The following COL24A1 variants were observed in gnomAD, a reference collection of about 807,000 sequenced individuals.
The protein encoded by COL24A1 is collagen alpha-1(XXIV) chain.
A neutral mutation model predicts 253.9 loss-of-function variants in COL24A1; 224 were observed. The observed-to-expected ratio is 0.88, with a 90% CI of 0.79 to 0.99. The LOEUF (loss-of-function observed/expected upper bound fraction) is 0.99, where lower values mean the gene tolerates loss of function less well. Among genes scored for constraint, COL24A1 ranks in the 50% least tolerant of loss-of-function variants. COL24A1 has a pLI of 0.00. For missense variants in COL24A1, 2,131 were observed against 2,068.5 expected, an observed-to-expected ratio of 1.03 and a Z score of -0.59; for synonymous variants, 685 against 673.7, an observed-to-expected ratio of 1.02 and a Z score of -0.26.
rs751090165 is a variant in COL24A1 at position 86,126,126 on chromosome 1, C to T, written c.210G>A (p.Pro70=). The T allele has an allele frequency of 5.3e-5, 85 of 1,611,758 alleles. 1 individual carries two copies. In the Middle Eastern group the frequency reaches 9.9e-4, roughly 19 times the overall value. The part of the protein sequence containing the change: ...PATAVPSAST[P]LPQGVHLTES... ...CTGTTAAATGGACCCCCTGAGGTAACGGTGTAGATGCTGATGGTACAGCAG... is the reference window on the plus strand; with the variant it reads ...CTGTTAAATGGACCCCCTGAGGTAATGGTGTAGATGCTGATGGTACAGCAG... Residue 70 remains proline (P), a synonymous_variant, in exon 3 of 60, where the codon CCG becomes CCA. Coordinates refer to ENST00000370571, the MANE Select transcript of COL24A1 (RefSeq NM_152890.7).
chr1:85,988,817 C>T (rs765409370), intron 19 of COL24A1, among the ~76,000 whole-genome samples: 8 of 152,006 alleles, frequency 5.3e-5, no homozygotes, highest in East Asian at 3.9e-4. Context: ...GATTAGGACA[C>T]GAATGCCTCG....
rs866383374 is a variant in COL24A1, at chr1:85,835,133, A to T, written c.3681+3452T>A. On this transcript the variant is annotated intron_variant, in intron 43 of 59. Transcript: ENST00000370571. The stretch of plus-strand genomic sequence containing the variant: ...AATGACCAGAGACATATATATATAT[A>T]TTTTTTAGATGGAGTCTTGCTCTGT... Among the ~76,000 whole-genome samples the T allele has an allele frequency of 9.2e-5, 14 of 151,948 alleles. No individual in the cohort carries two copies. In the East Asian group the frequency reaches 1.2e-3, roughly 13 times the overall value.
chr1:85,731,189 C>T (rs929320662), intron 59 of COL24A1, among the ~76,000 whole-genome samples: 2 of 152,114 alleles, frequency 1.3e-5, no homozygotes, highest in African/African-American at 2.4e-5. Flanking sequence ...TCTTCCCCCC[C>T]GCCCCATTCT....
At chr1:85,787,094 C>T (rs933642632) in intron 47 of COL24A1, among the ~76,000 whole-genome samples, 2 of 151,710 alleles carry the variant, frequency 1.3e-5, no homozygotes, top group African/African-American at 4.8e-5. Flanking sequence ...ATTAAAATTT[C>T]AGTATGTATT....
In COL24A1 at chr1:86,125,359, T is replaced by C. The variant is rs779743016; in HGVS notation, c.977A>G (p.Asp326Gly). ...GGCCTGAATCCCATGGTTTGTGAGA[T>C]CCACAGCAGAGACATTTCCTGACTG... The part of the protein sequence containing the change: ...SLQSGNVSAV[D>G]LTNHGIQAKE... The change falls in exon 3 of 60, where the codon GAT becomes GGT. Residue 326 changes from aspartate (D) to glycine (G), a missense_variant. Physicochemically the swap from Asp to Gly is moderately conservative, Grantham distance 94 (BLOSUM62 -1). Transcript: ENST00000370571. The C allele has an allele frequency of 6.8e-6, 11 of 1,613,658 alleles. No homozygotes were observed. Among genetic ancestry groups the C allele is most frequent in the Non-Finnish European group, 9.3e-6 (11 of 1,179,796 alleles).
intron 20 of COL24A1, among the ~76,000 whole-genome samples, chr1:85,984,336 G>A (rs995508041): frequency 1.3e-5 from 2 of 151,694 alleles, no homozygotes; most frequent in African/African-American, 2.4e-5. Flanking sequence ...AGAATCTATT[G>A]CTCAATTATC....
At chr1:85,991,897 ATTTAT>A (rs1439446079) in intron 19 of COL24A1, among the ~76,000 whole-genome samples, 1 of 150,856 alleles carries the variant, frequency 6.6e-6, no homozygotes, top group African/African-American at 2.4e-5. Context: ...GTATTTATTT[ATTTAT>A]TTTATTATTT....
chr1:86,078,938 G>A (rs1702439935), intron 7 of COL24A1, among the ~76,000 whole-genome samples: 2 of 151,968 alleles, frequency 1.3e-5, no homozygotes, highest in African/African-American at 4.8e-5. Flanking sequence ...ATTCTTCATA[G>A]AAATAGAAAA....
At chr1:86,119,463 CCTT>C (rs1706492898) in intron 3 of COL24A1, among the ~76,000 whole-genome samples, 1 of 152,124 alleles carries the variant, frequency 6.6e-6, no homozygotes, top group Non-Finnish European at 1.5e-5. Flanking sequence ...GAAGAACATA[CCTT>C]TTTTATGTTC....
intron 50 of COL24A1, among the ~76,000 whole-genome samples, 157 bp downstream of exon 50, chr1:85,783,956 T>C (rs967829634): frequency 1.3e-5 from 2 of 152,222 alleles, no homozygotes; most frequent in African/African-American, 4.8e-5. Context: ...TATAGTTACA[T>C]AATTTTAAAA....
chr1:85,889,419 A>T (rs1682867352), intron 32 of COL24A1, 141 bp downstream of exon 32: 1 of 602,196 alleles, frequency 1.7e-6, no homozygotes, highest in East Asian at 3.1e-5. Context: ...ATTATTTTTC[A>T]TTCTATGTGA....
Position 86,063,716 on chromosome 1 carries a change from T to C in COL24A1, c.1751A>G (p.Gln584Arg). The C allele has an allele frequency of 6.5e-7, 1 of 1,549,442 alleles. No homozygotes were observed. Among genetic ancestry groups the C allele is most frequent in the South Asian group, 1.2e-5 (1 of 80,142 alleles). The change falls in exon 8 of 60, where the codon CAA becomes CGA. Residue 584 changes from glutamine to arginine, a missense_variant and splice_region_variant. Gln to Arg is a conservative substitution (Grantham distance 43). Coordinates refer to ENST00000370571, the MANE Select transcript of COL24A1 (RefSeq NM_152890.7). ...AAGTCTTATAAAGGAAGTACCTACT[T>C]GTTCACCTGGAAGTCCTGGGAGTCC... ...HPGLPGLPGEQGIPGFAGNIG... is the reference protein window; with the variant it reads ...HPGLPGLPGERGIPGFAGNIG...
Position 85,935,540 on chromosome 1 carries a change from G to A in COL24A1, c.2563-24107C>T, listed in dbSNP as rs181819720. Among the ~76,000 whole-genome samples the A allele has an allele frequency of 5.4e-4, 79 of 147,618 alleles. 5 individuals are homozygous for A. Among genetic ancestry groups the A allele is most frequent in the African/African-American group, 1.5e-3 (59 of 40,326 alleles). On this transcript the variant is annotated intron_variant, in intron 24 of 59. Transcript: ENST00000370571. ...AAGTATTTATTTGACAGCATGACTT[G>A]TAGCAAGTTACTTTAGCTCACTGTA...
chr1:85,933,287 G>A (rs187769250), intron 24 of COL24A1, among the ~76,000 whole-genome samples: 25 of 152,100 alleles, frequency 1.6e-4, no homozygotes, highest in African/African-American at 2.2e-4. Flanking sequence ...AGAGTTCATC[G>A]GCAATAGAAA....
intron 24 of COL24A1, among the ~76,000 whole-genome samples, chr1:85,925,232 T>A (rs933723564): frequency 6.6e-6 from 1 of 152,062 alleles, no homozygotes; most frequent in African/African-American, 2.4e-5. Context: ...AATATCATGG[T>A]AATGGCCATA....
chr1:86,140,140 T>C (rs1213427425), intron 2 of COL24A1, among the ~76,000 whole-genome samples: 1 of 152,238 alleles, frequency 6.6e-6, no homozygotes, highest in African/African-American at 2.4e-5. Flanking sequence ...ACATGTGTTA[T>C]TTTATCCACA....
intron 19 of COL24A1, among the ~76,000 whole-genome samples, chr1:85,993,234 T>C (rs1356562158): frequency 3.3e-5 from 5 of 152,140 alleles, no homozygotes; most frequent in Non-Finnish European, 5.9e-5. Context: ...ATGCGCTACA[T>C]ACATTGAGCA....
At chr1:85,943,200 G>C (rs1112327) in intron 24 of COL24A1, among the ~76,000 whole-genome samples, 66,442 of 152,080 alleles carry the variant, frequency 0.44, 15,711 homozygotes, top group East Asian at 0.75. Context: ...ACCAGTACCC[G>C]CTATGTCCTG....
intron 52 of COL24A1, 102 bp downstream of exon 52, chr1:85,781,118 C>T: frequency 1.2e-6 from 1 of 831,350 alleles, no homozygotes. Context: ...CTATTTTTTC[C>T]ATTTTCTTCT....
Sources: gnomAD v4.1 joint callset for allele counts (sites outside exome capture counted in the v4.1 genomes callset) on GRCh38, gnomAD v4.1.1 for gene constraint, MANE v1.5 for transcripts, NCBI Gene and HGNC (gene_info 2026-07-23, HGNC 2026-07-21) for gene names.